The following CR2 variants were observed in gnomAD, a reference collection of about 807,000 sequenced individuals.
The protein encoded by CR2 is complement C3d receptor 2.
In CR2, 96 loss-of-function variants were observed where a neutral mutation model predicts 123.0. That is an observed-to-expected ratio of 0.78 (90% CI 0.66 to 0.93). The LOEUF is 0.93. Among genes scored for constraint, CR2 ranks in the 40% least tolerant of loss-of-function variants. The pLI is 0.00. For synonymous variants in CR2, 484 were observed against 469.5 expected, an observed-to-expected ratio of 1.03 and a Z score of -0.40; for missense variants, 1,258 against 1,361.0, an observed-to-expected ratio of 0.92 and a Z score of 1.19.
At position 207,472,789 on chromosome 1, in the gene CR2, C is replaced by T; in HGVS notation, c.1588C>T (p.Pro530Ser). 6.2e-7 allele frequency: 1 copy of T among 1,613,850 alleles called. No homozygotes were observed. Among genetic ancestry groups the T allele is most frequent in the Middle Eastern group, 1.7e-4 (1 of 6,056 alleles). ...RLCKEITCPP[P>S]PVIYNGAHTG... ...CTCTCTAGAAATCACCTGCCCACCA[C>T]CCCCTGTTATCTACAATGGGGCACA... Residue 530 changes from proline to serine, a missense_variant, in exon 10 of 20, where the codon CCC becomes TCC. Transcript: ENST00000367057.
intron 19 of CR2, among the ~76,000 whole-genome samples, chr1:207,487,621 A>G (rs1658785783): frequency 6.6e-6 from 1 of 152,264 alleles, no homozygotes. Flanking sequence ...TAAGAGTAAA[A>G]CATAAAGTCA....
Position 207,472,967 on chromosome 1 carries a change from C to T in CR2, c.1766C>T (p.Pro589Leu). Residue 589 changes from proline (P) to leucine (L), a missense_variant, in exon 10 of 20, where the codon CCT becomes CTT. Coordinates refer to ENST00000367057, the MANE Select transcript of CR2 (RefSeq NM_001006658.3). ...CAAGAAAGAGGCACCTGGAGTGGCC[C>T]TGCTCCCCTGTGTAAACTTTCCCTC... ...NDQERGTWSG[P>L]APLCKLSLLA... 6.2e-7 allele frequency: 1 copy of T among 1,614,000 alleles called. No individual in the cohort carries two copies. Among genetic ancestry groups the T allele is most frequent in the Non-Finnish European group, 8.5e-7 (1 of 1,179,930 alleles).
chr1:207,470,279 T>C (rs975493666), intron 6 of CR2, among the ~76,000 whole-genome samples, 177 bp downstream of exon 6: 8 of 152,202 alleles, frequency 5.3e-5, no homozygotes, highest in African/African-American at 1.9e-4. Context: ...ACCATTGTTT[T>C]ATTTTGTGGG....
chr1:207,478,854 GT>G (rs1174814300), intron 16 of CR2, among the ~76,000 whole-genome samples: 8 of 151,734 alleles, frequency 5.3e-5, no homozygotes, highest in Admixed American at 1.3e-4. Context: ...TATTGTTTTT[GT>G]CATTGGTGGA....
At chr1:207,469,295 C>T (rs914851853) in intron 5 of CR2, 63 bp downstream of exon 5, 6 of 1,229,046 alleles carry the variant, frequency 4.9e-6, no homozygotes, top group Non-Finnish European at 7.2e-6. Flanking sequence ...GCTTTTGGTT[C>T]AGTCATTACC....
At chr1:207,465,106 T>G (rs1381068365) in intron 1 of CR2, among the ~76,000 whole-genome samples, 1 of 152,020 alleles carries the variant, frequency 6.6e-6, no homozygotes, top group African/African-American at 2.4e-5. Context: ...AATTTTTGTA[T>G]TTTTGTAGAG....
At chr1:207,456,334 T>C (rs777039388) in intron 1 of CR2, among the ~76,000 whole-genome samples, 71 of 152,348 alleles carry the variant, frequency 4.7e-4, no homozygotes, top group South Asian at 2.1e-4. Context: ...GGCCAGTTCC[T>C]GCACTTGAGT....
At chr1:207,472,382 T>C (rs56147448) in intron 9 of CR2, among the ~76,000 whole-genome samples, 54 of 152,308 alleles carry the variant, frequency 3.5e-4, no homozygotes, top group African/African-American at 1.3e-3. Context: ...CATTCAACAA[T>C]AAGTTTTCTC....
In CR2 at chr1:207,475,413, A is replaced by C. The variant is rs575761823; in HGVS notation, c.2716+197A>C. On this transcript the variant is annotated intron_variant, in intron 14 of 19. Transcript: ENST00000367057. ...TCTTTCCTTTCTCAGTATATTGAGC[A>C]ATAAATAGTACATGAAAGGATAATG... Among the ~76,000 whole-genome samples, 58 of 152,356 alleles carry C rather than the reference A, an allele frequency of 3.8e-4. No homozygotes were observed. In the South Asian group the frequency reaches 0.011, roughly 29 times the overall value.
intron 19 of CR2, among the ~76,000 whole-genome samples, chr1:207,486,568 CTG>C (rs10566015): frequency 0.8 from 122,265 of 151,954 alleles, 49,370 homozygotes; most frequent in East Asian, 0.96. Flanking sequence ...ACCTTAACTG[CTG>C]TGTTAAGAAC....
chr1:207,480,189 A>G lies in CR2; in HGVS notation c.3188+136A>G. Reference sequence around the variant, plus strand: ...ATAACTAAATGAAGTATCTCGTGCTATACAAAAGGAAGCCCTTTCTGTAGG... The same window carrying G: ...ATAACTAAATGAAGTATCTCGTGCTGTACAAAAGGAAGCCCTTTCTGTAGG... On this transcript the variant is annotated intron_variant, in intron 18 of 19. Transcript: ENST00000367057. The G allele has an allele frequency of 9.7e-6, 7 of 720,468 alleles. 1 individual carries two copies. In the South Asian group the frequency reaches 1.0e-4, roughly 11 times the overall value. 44.6% of individuals were successfully genotyped at this position (720,468 alleles called of 1,614,324 possible). A position where few individuals can be genotyped will look rare whatever the true frequency, so the allele number is the denominator to read the frequency against.
intron 2 of CR2, 112 bp downstream of exon 2, chr1:207,467,024 G>A: frequency 7.8e-7 from 1 of 1,289,070 alleles, no homozygotes; most frequent in African/African-American, 1.5e-5. Context: ...TGATGAGGGT[G>A]GAAGAAGGAA....
intron 18 of CR2, among the ~76,000 whole-genome samples, chr1:207,480,991 C>T (rs1340034134): frequency 6.6e-6 from 1 of 151,902 alleles, no homozygotes; most frequent in African/African-American, 2.4e-5. Flanking sequence ...TCTGTAATGT[C>T]TTCTCATTCA....
chr1:207,472,173 C>T (rs557110188), intron 9 of CR2, among the ~76,000 whole-genome samples: 2 of 151,824 alleles, frequency 1.3e-5, no homozygotes, highest in East Asian at 1.9e-4. Flanking sequence ...CACTTGAACC[C>T]GGGAGGCGGA....
At chr1:207,477,466 C>T (rs541320168) in intron 15 of CR2, among the ~76,000 whole-genome samples, 1 of 152,214 alleles carries the variant, frequency 6.6e-6, no homozygotes, top group South Asian at 2.1e-4. Flanking sequence ...ATATCACTCA[C>T]ACTATTGATG....
intron 18 of CR2, among the ~76,000 whole-genome samples, chr1:207,481,566 A>G (rs1658603609): frequency 6.6e-6 from 1 of 152,128 alleles, no homozygotes; most frequent in Admixed American, 6.6e-5. Context: ...TACCCTAGAA[A>G]AATAAAATAA....
intron 19 of CR2, among the ~76,000 whole-genome samples, chr1:207,487,794 C>T (rs57024577): frequency 0.013 from 2,009 of 152,256 alleles, 52 homozygotes; most frequent in African/African-American, 0.046. Flanking sequence ...AGCAGAGGAG[C>T]TCCTAGCTGC....
intron 14 of CR2, among the ~76,000 whole-genome samples, chr1:207,475,672 T>C (rs1182103513): frequency 6.6e-6 from 1 of 152,196 alleles, no homozygotes; most frequent in African/African-American, 2.4e-5. Flanking sequence ...GCAGCCTTAT[T>C]CCTGTCCATG....
intron 1 of CR2, among the ~76,000 whole-genome samples, chr1:207,458,059 A>AACACACACACAT (rs1553278508): frequency 1.6e-5 from 2 of 122,570 alleles, no homozygotes. Flanking sequence ...TCAAGGCCAC[A>AACACACACACAT]ACACACACAC....
Sources: gnomAD v4.1 joint callset for allele counts (sites outside exome capture counted in the v4.1 genomes callset) on GRCh38, gnomAD v4.1.1 for gene constraint, MANE v1.5 for transcripts, NCBI Gene and HGNC (gene_info 2026-07-23, HGNC 2026-07-21) for gene names.